The following DNM3 variants were observed in gnomAD, a reference collection of about 807,000 sequenced individuals.
The protein encoded by DNM3 is dynamin 3.
In DNM3, 47 loss-of-function variants were observed where a neutral mutation model predicts 101.6. The ratio of observed to expected loss-of-function variants is 0.46; its 90% confidence interval spans 0.37 to 0.59. The LOEUF (loss-of-function observed/expected upper bound fraction) is 0.59, where lower values mean the gene tolerates loss of function less well. DNM3 is among the 20% of genes least tolerant of loss of function. DNM3 has a pLI of 0.00. For missense variants in DNM3, 849 were observed against 1,085.7 expected, an observed-to-expected ratio of 0.78 and a Z score of 3.06; for synonymous variants, 385 against 387.9, an observed-to-expected ratio of 0.99 and a Z score of 0.09.
At chr1:172,302,032 G>C (rs576447491) in intron 15 of DNM3, among the ~76,000 whole-genome samples, 75 of 152,310 alleles carry the variant, frequency 4.9e-4, no homozygotes, top group Non-Finnish European at 9.4e-4. Flanking sequence ...CGACCAGTTG[G>C]ACAGTGAGTG....
At chr1:172,153,603 G>T (rs907471682) in intron 14 of DNM3, among the ~76,000 whole-genome samples, 2 of 143,862 alleles carry the variant, frequency 1.4e-5, no homozygotes, top group Non-Finnish European at 3.0e-5. Flanking sequence ...CTTTCTCTGA[G>T]TATTCCTCTT....
intron 4 of DNM3, among the ~76,000 whole-genome samples, chr1:171,991,940 G>A (rs561880136): frequency 3.3e-5 from 5 of 152,230 alleles, no homozygotes; most frequent in South Asian, 2.1e-4. Flanking sequence ...TTTCTCTTTC[G>A]TCCTACCTTG....
chr1:171,908,970 T>C (rs2039059884), intron 1 of DNM3, among the ~76,000 whole-genome samples: 1 of 152,180 alleles, frequency 6.6e-6, no homozygotes, highest in African/African-American at 2.4e-5. Flanking sequence ...CTTCCTTTTC[T>C]TCCTCCCTCC....
At chr1:172,406,496 A>T (rs1186471199) in intron 20 of DNM3, among the ~76,000 whole-genome samples, 2 of 152,018 alleles carry the variant, frequency 1.3e-5, no homozygotes, top group Non-Finnish European at 2.9e-5. Flanking sequence ...CCAAAGAAAG[A>T]TTTCCTTTGA....
At chr1:172,068,686 A>C in intron 10 of DNM3, 133 bp from the exon 11 acceptor site, 5 of 706,212 alleles carry the variant, frequency 7.1e-6, no homozygotes, top group Non-Finnish European at 9.8e-6. Flanking sequence ...CTTCTTTAGG[A>C]GTTGATGATA....
intron 1 of DNM3, among the ~76,000 whole-genome samples, chr1:171,915,126 A>C (rs181066476): frequency 1.5e-4 from 23 of 152,378 alleles, no homozygotes; most frequent in Admixed American, 1.4e-3. Flanking sequence ...TAGTAGACAC[A>C]TAATGCACAT....
chr1:172,354,485 A>G (rs553759954), intron 17 of DNM3, among the ~76,000 whole-genome samples: 1 of 152,136 alleles, frequency 6.6e-6, no homozygotes, highest in Non-Finnish European at 1.5e-5. Flanking sequence ...TTCTCTGGGG[A>G]CTTTCCCCCT....
At position 172,371,106 on chromosome 1, in the gene DNM3, CT is replaced by C. The variant is rs1328736487; in HGVS notation, c.1894-7911del. Among the ~76,000 whole-genome samples the C allele has an allele frequency of 2.0e-5, 3 of 152,102 alleles. No individual in the cohort carries two copies. The East Asian group carries it at 5.8e-4, about 30-fold the overall frequency. ...ATGCTCTATTCTTTTTCTAGCATGT[CT>C]AGCAGAATTCTCTTGAATTCTTGCA... On this transcript the variant is annotated intron_variant, in intron 17 of 20. Coordinates refer to ENST00000627582, the MANE Select transcript of DNM3 (RefSeq NM_015569.5).
chr1:172,191,878 CTT>C (rs770520163), intron 14 of DNM3, among the ~76,000 whole-genome samples: 5 of 152,268 alleles, frequency 3.3e-5, no homozygotes, highest in Non-Finnish European at 5.9e-5. Flanking sequence ...TATCCTGAGA[CTT>C]TGCTGAAGTT....
At chr1:171,977,972 G>A (rs1349580097) in intron 2 of DNM3, among the ~76,000 whole-genome samples, 4 of 152,170 alleles carry the variant, frequency 2.6e-5, no homozygotes, top group Non-Finnish European at 5.9e-5. Context: ...TTCAAGCTCA[G>A]CATGTCAAAA....
At chr1:172,200,811 C>T (rs990519976) in intron 14 of DNM3, among the ~76,000 whole-genome samples, 1 of 152,028 alleles carries the variant, frequency 6.6e-6, no homozygotes, top group East Asian at 1.9e-4. Context: ...TATTGTGATT[C>T]TTATTTTCTT....
intron 10 of DNM3, among the ~76,000 whole-genome samples, chr1:172,055,356 C>T (rs2050518952): frequency 6.6e-6 from 1 of 152,062 alleles, no homozygotes; most frequent in Admixed American, 6.5e-5. Context: ...TATTCAAATG[C>T]CCCATAAAGC....
intron 17 of DNM3, among the ~76,000 whole-genome samples, chr1:172,370,676 A>G (rs41263730): frequency 6.6e-6 from 1 of 152,076 alleles, no homozygotes; most frequent in Non-Finnish European, 1.5e-5. Context: ...GTATTACTCT[A>G]TTTGAGAGAA....
chr1:171,965,433 G>T (rs1014523957), intron 2 of DNM3, among the ~76,000 whole-genome samples: 1 of 151,350 alleles, frequency 6.6e-6, no homozygotes, highest in Non-Finnish European at 1.5e-5. Context: ...TGTGTCTGTA[G>T]TCCCAGCTAC....
intron 1 of DNM3, among the ~76,000 whole-genome samples, chr1:171,907,049 G>A (rs539236162): frequency 6.6e-6 from 1 of 152,250 alleles, no homozygotes; most frequent in East Asian, 1.9e-4. Flanking sequence ...AGCCAGAAAT[G>A]GACCACCTCT....
intron 11 of DNM3, among the ~76,000 whole-genome samples, chr1:172,077,608 T>C (rs1178385117): frequency 6.6e-6 from 1 of 152,234 alleles, no homozygotes; most frequent in East Asian, 1.9e-4. Flanking sequence ...TCAGTTTCCA[T>C]GTAGTTGTGC....
chr1:172,308,735 T>A lies in DNM3; in HGVS notation c.1777T>A (p.Tyr593Asn). The change falls in exon 16 of 21, where the codon TAC becomes AAC. Residue 593 changes from tyrosine (Y) to asparagine (N), a missense_variant. Physicochemically the swap from Tyr to Asn is moderately radical, Grantham distance 143 (BLOSUM62 -2). Coordinates refer to ENST00000627582, the MANE Select transcript of DNM3 (RefSeq NM_015569.5). Reference protein sequence around the residue: ...ALFNTEQRNVYKDYRFLELAC... With the variant: ...ALFNTEQRNVNKDYRFLELAC... ...TTTTTTTTTTAACTCCAGGAATGTA[T>A]ACAAAGACTATCGCTTCCTTGAGCT... is the stretch of plus-strand genomic sequence containing the variant. 1 of 1,580,534 alleles carries A rather than the reference T, an allele frequency of 6.3e-7. No homozygotes were observed. Among genetic ancestry groups the A allele is most frequent in the Non-Finnish European group, 8.6e-7 (1 of 1,165,146 alleles).
chr1:172,354,815 CATATGGAG>C (rs1476970358), intron 17 of DNM3, among the ~76,000 whole-genome samples: 16 of 152,128 alleles, frequency 1.1e-4, no homozygotes, highest in African/African-American at 3.6e-4. Flanking sequence ...TGTACTTAGA[CATATGGAG>C]ATAGGAGAAA....
intron 14 of DNM3, among the ~76,000 whole-genome samples, chr1:172,196,376 A>G (rs1283766613): frequency 6.6e-6 from 1 of 151,998 alleles, no homozygotes; most frequent in Non-Finnish European, 1.5e-5. Flanking sequence ...ATTTGAGTGC[A>G]TGTGTCTTTA....
Sources: allele counts gnomAD v4.1 joint callset (sites outside exome capture counted in the v4.1 genomes callset), GRCh38; gene constraint gnomAD v4.1.1; transcripts MANE v1.5; gene names NCBI Gene and HGNC (gene_info 2026-07-23, HGNC 2026-07-21).